Variants in NAA15 observed in about 807,000 individuals in gnomAD.
NAA15 encodes N-terminal acetyltransferase.
Under a neutral mutation model 114.0 loss-of-function variants are expected in NAA15, and 34 were observed. The observed-to-expected ratio is 0.30, with a 90% CI of 0.23 to 0.40. The LOEUF (loss-of-function observed/expected upper bound fraction) is 0.40, where lower values mean the gene tolerates loss of function less well. NAA15 is among the 10% of genes least tolerant of loss of function. The probability of loss-of-function intolerance (pLI) is 1.00; values close to 1 mark genes in which losing one functional copy is unlikely to be tolerated. For synonymous variants in NAA15, 340 were observed against 338.0 expected, an observed-to-expected ratio of 1.01 and a Z score of -0.06; for missense variants, 658 against 1,004.5, an observed-to-expected ratio of 0.66 and a Z score of 4.66.
chr4:139,317,067 C>A (rs898792564), intron 1 of NAA15, among the ~76,000 whole-genome samples: 1 of 151,818 alleles, frequency 6.6e-6, no homozygotes, highest in Non-Finnish European at 1.5e-5. Context: ...CCAGTACTTT[C>A]TCTCAGATGG....
intron 14 of NAA15, among the ~76,000 whole-genome samples, chr4:139,369,251 A>G (rs1748366055): frequency 6.6e-6 from 1 of 152,228 alleles, no homozygotes; most frequent in Non-Finnish European, 1.5e-5. Flanking sequence ...AGAAGGCATA[A>G]CTAAGCGAGC....
intron 6 of NAA15, 43 bp downstream of exon 6, chr4:139,344,382 G>T: frequency 1.3e-6 from 2 of 1,529,420 alleles, no homozygotes; most frequent in South Asian, 1.2e-5. Flanking sequence ...ATTGAAATAT[G>T]ACAGAGCAAG....
In NAA15 at chr4:139,388,826, G is replaced by T. The variant is rs899167568; in HGVS notation, c.*742G>T. ...CTAAAACAACAATGCAAACCTTTCA[G>T]CATTGTTTGGCCAAACTTGTTAAAA... is the stretch of plus-strand genomic sequence containing the variant. On this transcript the variant is annotated 3_prime_UTR_variant, in exon 20 of 20. Transcript: ENST00000296543. The T allele has an allele frequency of 6.6e-6, 1 of 152,572 alleles. No homozygotes were observed. Among genetic ancestry groups the T allele is most frequent in the Non-Finnish European group, 1.5e-5 (1 of 68,036 alleles). The allele number at this position is 152,572 out of a possible 1,614,324, so 9.5% of individuals were successfully genotyped here.
At chr4:139,308,305 G>A (rs1746095405) in intron 1 of NAA15, among the ~76,000 whole-genome samples, 1 of 151,942 alleles carries the variant, frequency 6.6e-6, no homozygotes, top group Non-Finnish European at 1.5e-5. Flanking sequence ...ATTTTCTTTG[G>A]GAAAGTTAAT....
Position 139,360,518 on chromosome 4 carries a change from G to C in NAA15, c.1429G>C (p.Glu477Gln). ...KFTREGTSAV[E>Q]NLNEMQCMWF... ...TGTATAGGAAGGAACATCAGCGGTA[G>C]AGAATTTGAATGAAATGCAGTGCAT... The change falls in exon 13 of 20, where the codon GAG (glutamate) becomes CAG (glutamine). Residue 477 changes from glutamate (E) to glutamine (Q), a missense_variant. Physicochemically the swap from Glu to Gln is conservative, Grantham distance 29. Around this residue, in one of 6 missense-constraint regions of NAA15, gnomAD observed 281 missense variants for 389.1 expected, o/e 0.72. Coordinates refer to ENST00000296543, the MANE Select transcript of NAA15 (RefSeq NM_057175.5). The C allele has an allele frequency of 6.3e-7, 1 of 1,593,540 alleles. No homozygotes were observed.
chr4:139,305,649 T>C (rs1745987533), intron 1 of NAA15, among the ~76,000 whole-genome samples: 1 of 151,910 alleles, frequency 6.6e-6, no homozygotes, highest in Admixed American at 6.6e-5. Flanking sequence ...GCAGTTCTGC[T>C]TCAGCGTCCT....
chr4:139,356,962 A>G (rs1277547771), intron 10 of NAA15, among the ~76,000 whole-genome samples: 2 of 148,446 alleles, frequency 1.3e-5, no homozygotes, highest in Non-Finnish European at 3.0e-5. Flanking sequence ...TGCATTAGCT[A>G]GAAACTCAAT....
chr4:139,370,059 C>T (rs1748391796), intron 14 of NAA15, 152 bp from the exon 15 acceptor site: 2 of 515,674 alleles, frequency 3.9e-6, no homozygotes, highest in Non-Finnish European at 3.1e-6. Context: ...CCCACCTTGG[C>T]CTCCCAAAGT....
At chr4:139,319,485 C>T (rs912348825) in intron 1 of NAA15, among the ~76,000 whole-genome samples, 1 of 152,010 alleles carries the variant, frequency 6.6e-6, no homozygotes, top group Admixed American at 6.6e-5. Context: ...GCCAACACTG[C>T]AGTGTAGTGA....
chr4:139,386,332 A>C, intron 19 of NAA15, 102 bp downstream of exon 19: 1 of 564,490 alleles, frequency 1.8e-6, no homozygotes, highest in Non-Finnish European at 3.0e-6. Flanking sequence ...AATCATTATG[A>C]ATCTGGGTCA....
intron 11 of NAA15, 41 bp downstream of exon 11, chr4:139,357,596 C>G (rs1312475468): frequency 1.5e-6 from 2 of 1,296,814 alleles, no homozygotes; most frequent in South Asian, 2.7e-5. Context: ...GGTAATGAGA[C>G]TTGTCATGAA....
intron 1 of NAA15, among the ~76,000 whole-genome samples, chr4:139,304,412 C>T (rs900197184): frequency 1.3e-5 from 2 of 152,198 alleles, no homozygotes; most frequent in African/African-American, 4.8e-5. Context: ...CTTGTACACG[C>T]GTGTGAGTGC....
chr4:139,325,457 G>T (rs1354591964), intron 1 of NAA15, among the ~76,000 whole-genome samples: 1 of 152,076 alleles, frequency 6.6e-6, no homozygotes, highest in African/African-American at 2.4e-5. Context: ...CTACAATAAG[G>T]ATTAAACCTT....
intron 15 of NAA15, among the ~76,000 whole-genome samples, chr4:139,371,541 A>ACACACACG (rs1239183843): frequency 6.7e-6 from 1 of 148,728 alleles, no homozygotes; most frequent in African/African-American, 2.5e-5. Context: ...ACACACACAC[A>ACACACACG]CGAAATATAG....
Position 139,349,489 on chromosome 4 carries a change from T to G in NAA15, c.719T>G (p.Leu240Trp), listed in dbSNP as rs373872450. 2 of 1,605,462 alleles carry G rather than the reference T, an allele frequency of 1.2e-6. No individual in the cohort carries two copies. The highest frequency in any genetic ancestry group is 1.7e-6 in the Non-Finnish European group (2 of 1,177,672). Residue 240 changes from leucine (L) to tryptophan (W), a missense_variant, in exon 7 of 20, where the codon TTG becomes TGG. By Grantham distance (61) the Leu-to-Trp change is moderately conservative. Transcript: ENST00000296543. ...GAACTTCTGTTGCAACTATGTCGTT[T>G]GGAAGATGCTGCAGATGTTTATAGA... ...KGELLLQLCR[L>W]EDAADVYRGL...
intron 11 of NAA15, among the ~76,000 whole-genome samples, chr4:139,357,858 T>G (rs1315350397): frequency 6.6e-6 from 1 of 152,194 alleles, no homozygotes; most frequent in Non-Finnish European, 1.5e-5. Context: ...CAAAAGAAAT[T>G]TTATTTGCTG....
intron 4 of NAA15, among the ~76,000 whole-genome samples, chr4:139,341,318 A>AG (rs1370210560): frequency 5.3e-5 from 8 of 152,028 alleles, no homozygotes; most frequent in Non-Finnish European, 1.2e-4. Flanking sequence ...ACATCAGGCC[A>AG]GGTGCGGTGG....
At chr4:139,377,780 G>T (rs1748631454) in intron 16 of NAA15, among the ~76,000 whole-genome samples, 1 of 152,088 alleles carries the variant, frequency 6.6e-6, no homozygotes, top group South Asian at 2.1e-4. Context: ...TTATTATAAC[G>T]TGGAAAATAA....
intron 3 of NAA15, 152 bp from the exon 4 acceptor site, chr4:139,340,760 C>A: frequency 1.8e-6 from 1 of 563,336 alleles, no homozygotes; most frequent in Non-Finnish European, 2.9e-6. Context: ...TATTAAACTG[C>A]TTTATATCTT....
Sources: allele counts gnomAD v4.1 joint callset (sites outside exome capture counted in the v4.1 genomes callset), GRCh38; gene constraint gnomAD v4.1.1; regional missense constraint gnomAD v4.1.1; transcripts MANE v1.5; gene names NCBI Gene and HGNC (gene_info 2026-07-23, HGNC 2026-07-21).